The following EBF1 variants were observed in gnomAD, a reference collection of about 807,000 sequenced individuals.
EBF1 encodes the protein transcription factor COE1.
EBF1 carries 10 observed loss-of-function variants against 68.4 expected under a neutral mutation model. That is an observed-to-expected ratio of 0.15 (90% CI 0.09 to 0.25). The LOEUF (loss-of-function observed/expected upper bound fraction) is 0.25. Among genes scored for constraint, EBF1 ranks in the 10% least tolerant of loss-of-function variants. EBF1 has a pLI of 1.00. For synonymous variants in EBF1, 298 were observed against 299.8 expected, an observed-to-expected ratio of 0.99 and a Z score of 0.06; for missense variants, 509 against 794.4, an observed-to-expected ratio of 0.64 and a Z score of 4.32.
At chr5:159,098,121 C>G (rs1247492629) in intron 1 of EBF1, among the ~76,000 whole-genome samples, 1 of 152,252 alleles carries the variant, frequency 6.6e-6, no homozygotes, top group African/African-American at 2.4e-5. Flanking sequence ...CATCTTCCTT[C>G]TTCCCCTTCC....
chr5:158,816,836 TATGAAGAAC>T (rs1307624401), intron 8 of EBF1, among the ~76,000 whole-genome samples: 1 of 152,168 alleles, frequency 6.6e-6, no homozygotes, highest in Non-Finnish European at 1.5e-5. Flanking sequence ...TTTGACTTTC[TATGAAGAAC>T]ACATGCCCTA....
intron 6 of EBF1, among the ~76,000 whole-genome samples, chr5:158,979,856 T>C (rs1163911968): frequency 6.6e-6 from 1 of 152,242 alleles, no homozygotes; most frequent in Non-Finnish European, 1.5e-5. Flanking sequence ...GTTTCTCTTA[T>C]TCATTTGTAC....
At chr5:158,947,226 C>T (rs11957453) in intron 6 of EBF1, among the ~76,000 whole-genome samples, 2,434 of 152,000 alleles carry the variant, frequency 0.016, 67 homozygotes, top group African/African-American at 0.056. Flanking sequence ...CCAGGCGCCA[C>T]CAGGGTATGG....
At chr5:158,823,669 T>C (rs1481863020) in intron 7 of EBF1, among the ~76,000 whole-genome samples, 1 of 152,204 alleles carries the variant, frequency 6.6e-6, no homozygotes, top group Non-Finnish European at 1.5e-5. Flanking sequence ...CTGAAGCATA[T>C]ATCACAGTTG....
intron 6 of EBF1, among the ~76,000 whole-genome samples, chr5:158,862,661 C>T (rs1034564963): frequency 5.3e-5 from 8 of 151,998 alleles, no homozygotes; most frequent in African/African-American, 9.7e-5. Context: ...ATACCATGTC[C>T]AAGAGTAGGG....
At chr5:158,822,820 G>GTGGCCTTTCCTTATTTTTCCCTTGGAT (rs1785150765) in intron 8 of EBF1, among the ~76,000 whole-genome samples, 1 of 152,174 alleles carries the variant, frequency 6.6e-6, no homozygotes, top group East Asian at 1.9e-4. Context: ...ACCAAATTGT[G>GTGGCCTTTCCTTATTTTTCCCTTGGAT]TGGCCTTTCC....
chr5:158,718,788 T>C (rs1761299561), intron 11 of EBF1, among the ~76,000 whole-genome samples: 1 of 152,126 alleles, frequency 6.6e-6, no homozygotes, highest in South Asian at 2.1e-4. Context: ...CTAATATCTC[T>C]ATTTCCTCTG....
At chr5:158,743,088 C>T (rs1350863076) in intron 10 of EBF1, among the ~76,000 whole-genome samples, 2 of 152,170 alleles carry the variant, frequency 1.3e-5, no homozygotes, top group African/African-American at 2.4e-5. Flanking sequence ...TTGAGAAGAA[C>T]ATGGTCCAGT....
At chr5:159,080,725 G>T (rs547249351) in intron 5 of EBF1, among the ~76,000 whole-genome samples, 6 of 152,232 alleles carry the variant, frequency 3.9e-5, no homozygotes, top group African/African-American at 1.2e-4. Context: ...GGTGATTATT[G>T]CATTTAATCT....
chr5:159,082,933 A>T (rs1202168090), intron 5 of EBF1, among the ~76,000 whole-genome samples: 2 of 152,238 alleles, frequency 1.3e-5, no homozygotes, highest in African/African-American at 4.8e-5. Context: ...AGTACTTTGG[A>T]CCAGTGAATT....
intron 6 of EBF1, among the ~76,000 whole-genome samples, chr5:158,958,477 A>G (rs528852644): frequency 6.6e-6 from 1 of 152,208 alleles, no homozygotes; most frequent in African/African-American, 2.4e-5. Context: ...TTCTTCTTCA[A>G]AAACATGATG....
At chr5:158,770,792 A>G (rs372815403) in intron 10 of EBF1, among the ~76,000 whole-genome samples, 6 of 152,142 alleles carry the variant, frequency 3.9e-5, no homozygotes, top group African/African-American at 1.4e-4. Context: ...CTGTAGAGAA[A>G]TATCTCTAAC....
Position 159,099,417 on chromosome 5 carries a change from C to A in EBF1, c.62G>T (p.Gly21Val). 1.2e-6 allele frequency: 2 copies of A among 1,601,864 alleles called. No homozygotes were observed. The highest frequency in any genetic ancestry group is 1.7e-6 in the Non-Finnish European group (2 of 1,174,246). ...SGSSMKEEPL[G>V]SGMNAVRTWM... ...CGTCCGCACCGCGTTCATGCCGCTGCCCAGCGGCTCTTCCTTCATGCTGCT... is the reference window on the plus strand; with the variant it reads ...CGTCCGCACCGCGTTCATGCCGCTGACCAGCGGCTCTTCCTTCATGCTGCT... The change falls in exon 1 of 16, where the codon GGC becomes GTC. Residue 21 changes from glycine (G) to valine (V), a missense_variant. By Grantham distance (109) the Gly-to-Val change is moderately radical. Around this residue, in one of 3 missense-constraint regions of EBF1, gnomAD observed 74 missense variants for 79.4 expected, o/e 0.93. Coordinates refer to ENST00000313708, the MANE Select transcript of EBF1 (RefSeq NM_024007.5).
chr5:158,930,556 A>T (rs996636485), intron 6 of EBF1, among the ~76,000 whole-genome samples: 1 of 152,230 alleles, frequency 6.6e-6, no homozygotes, highest in African/African-American at 2.4e-5. Flanking sequence ...TGACTTGAAC[A>T]AGAATGGGAT....
chr5:158,758,328 A>G (rs1384398676), intron 10 of EBF1, among the ~76,000 whole-genome samples: 2 of 152,314 alleles, frequency 1.3e-5, no homozygotes, highest in African/African-American at 2.4e-5. Context: ...TATTTCAATA[A>G]TCAGCCTGTC....
chr5:158,774,106 C>G (rs546825132), intron 10 of EBF1, among the ~76,000 whole-genome samples: 187 of 152,244 alleles, frequency 1.2e-3, no homozygotes, highest in African/African-American at 4.4e-3. Flanking sequence ...GCTTCTAATC[C>G]AGTCAGGATT....
Position 158,786,825 on chromosome 5 carries a change from T to A in EBF1, c.910-9286A>T, listed in dbSNP as rs1181978323. On this transcript the variant is annotated intron_variant, in intron 9 of 15. Transcript: ENST00000313708. ...CATGGCAGAATCTTTGCCTATGGAA[T>A]TAGTAAAGAAAAATATAAAAGCCAA... Among the ~76,000 whole-genome samples the A allele has an allele frequency of 6.6e-5, 10 of 152,162 alleles. No individual in the cohort carries two copies. In the East Asian group the frequency reaches 1.7e-3, roughly 26 times the overall value.
chr5:158,752,759 G>A (rs562805175), intron 10 of EBF1, among the ~76,000 whole-genome samples: 1 of 152,132 alleles, frequency 6.6e-6, no homozygotes, highest in East Asian at 1.9e-4. Context: ...AATAAGAAGT[G>A]AAATGTCCCA....
At chr5:158,825,410 C>T (rs2127875568) in intron 7 of EBF1, among the ~76,000 whole-genome samples, 1 of 151,528 alleles carries the variant, frequency 6.6e-6, no homozygotes, top group African/African-American at 2.4e-5. Flanking sequence ...GCTGAAGAAA[C>T]TATAAAAGGA....
Sources: allele counts gnomAD v4.1 joint callset (sites outside exome capture counted in the v4.1 genomes callset), GRCh38; gene constraint gnomAD v4.1.1; regional missense constraint gnomAD v4.1.1; transcripts MANE v1.5; gene names NCBI Gene and HGNC (gene_info 2026-07-23, HGNC 2026-07-21).